The following DACH1 variants were observed in gnomAD, a reference collection of about 807,000 sequenced individuals.
The protein encoded by DACH1 is dachshund homolog 1.
A neutral mutation model predicts 54.2 loss-of-function variants in DACH1; 12 were observed. That is an observed-to-expected ratio of 0.22 (90% CI 0.14 to 0.36). DACH1 has a LOEUF of 0.36. DACH1 is among the 10% of genes least tolerant of loss of function. DACH1 has a pLI of 1.00. For missense variants in DACH1, 805 were observed against 929.8 expected (o/e 0.87, Z 1.75); for synonymous variants, 386 against 366.2 (o/e 1.05, Z -0.62).
intron 6 of DACH1, among the ~76,000 whole-genome samples, chr13:71,548,855 GA>G (rs1883626799): frequency 6.6e-6 from 1 of 152,024 alleles, no homozygotes; most frequent in African/African-American, 2.4e-5. Context: ...GGTGGAGGTT[GA>G]AGTGAACCAT....
intron 1 of DACH1, among the ~76,000 whole-genome samples, chr13:71,772,023 G>C (rs1196113638): frequency 1.3e-5 from 2 of 150,942 alleles, no homozygotes; most frequent in African/African-American, 4.9e-5. Context: ...TCCTTAAAAG[G>C]GTTTTAAAAT....
chr13:71,707,909 C>T (rs371919179), intron 1 of DACH1, among the ~76,000 whole-genome samples: 3 of 152,008 alleles, frequency 2.0e-5, no homozygotes, highest in African/African-American at 4.8e-5. Flanking sequence ...TTCAAAAACA[C>T]CTCCCACTAT....
chr13:71,595,997 T>G (rs2138475995), intron 3 of DACH1, among the ~76,000 whole-genome samples: 1 of 152,244 alleles, frequency 6.6e-6, no homozygotes, highest in East Asian at 1.9e-4. Flanking sequence ...TCCAAGAACT[T>G]ATTTTTTTAG....
intron 2 of DACH1, among the ~76,000 whole-genome samples, chr13:71,676,593 A>G (rs1025903032): frequency 1.3e-5 from 2 of 152,214 alleles, no homozygotes; most frequent in Non-Finnish European, 2.9e-5. Flanking sequence ...ACAAATGCTA[A>G]TATTACAAAA....
At chr13:71,753,934 T>C (rs775491665) in intron 1 of DACH1, among the ~76,000 whole-genome samples, 9 of 152,210 alleles carry the variant, frequency 5.9e-5, no homozygotes, top group Non-Finnish European at 1.2e-4. Flanking sequence ...CCAAATGTTT[T>C]ATTGTTTCAA....
intron 1 of DACH1, among the ~76,000 whole-genome samples, chr13:71,727,261 A>T (rs772673804): frequency 7.9e-5 from 12 of 152,080 alleles, no homozygotes; most frequent in Non-Finnish European, 1.6e-4. Flanking sequence ...GTATGAAAGG[A>T]GCACATTTCC....
At chr13:71,448,997 C>T (rs578132128) in intron 10 of DACH1, among the ~76,000 whole-genome samples, 3 of 152,140 alleles carry the variant, frequency 2.0e-5, no homozygotes, top group Non-Finnish European at 4.4e-5. Context: ...GAAAGTACAA[C>T]AACTAGGGTA....
At chr13:71,779,128 TACATATATAC>T (rs1227611556) in intron 1 of DACH1, among the ~76,000 whole-genome samples, 13 of 141,440 alleles carry the variant, frequency 9.2e-5, no homozygotes, top group East Asian at 2.0e-4. Flanking sequence ...TACACATATA[TACATATATAC>T]ACATATATAC....
intron 7 of DACH1, among the ~76,000 whole-genome samples, chr13:71,480,299 A>G (rs1877917543): frequency 6.6e-6 from 1 of 152,210 alleles, no homozygotes; most frequent in African/African-American, 2.4e-5. Context: ...ACTCAGGATA[A>G]CTTCTAGGAA....
chr13:71,444,123 C>T (rs557658534), intron 10 of DACH1, among the ~76,000 whole-genome samples: 1 of 151,926 alleles, frequency 6.6e-6, no homozygotes, highest in Non-Finnish European at 1.5e-5. Flanking sequence ...ATAAACAGAA[C>T]AAAAATTTCT....
At chr13:71,673,614 G>A (rs1348641707) in intron 2 of DACH1, among the ~76,000 whole-genome samples, 1 of 151,838 alleles carries the variant, frequency 6.6e-6, no homozygotes, top group East Asian at 1.9e-4. Context: ...CTGTTGGGGG[G>A]TGTGGGGCTG....
At chr13:71,806,768 C>T (rs1016523303) in intron 1 of DACH1, among the ~76,000 whole-genome samples, 2 of 152,160 alleles carry the variant, frequency 1.3e-5, no homozygotes, top group African/African-American at 4.8e-5. Context: ...ATCATGGTAT[C>T]ACTCTACTTC....
At chr13:71,647,254 C>G (rs1878346423) in intron 2 of DACH1, among the ~76,000 whole-genome samples, 1 of 152,124 alleles carries the variant, frequency 6.6e-6, no homozygotes, top group South Asian at 2.1e-4. Flanking sequence ...GGGAACTAGA[C>G]AGCAAGTAAG....
chr13:71,724,573 AC>A (rs1281673626), intron 1 of DACH1, among the ~76,000 whole-genome samples: 2 of 152,156 alleles, frequency 1.3e-5, no homozygotes, highest in Admixed American at 1.3e-4. Context: ...TATACCATAT[AC>A]TTCCATTTCT....
intron 7 of DACH1, among the ~76,000 whole-genome samples, chr13:71,483,090 T>C (rs570508750): frequency 6.6e-6 from 1 of 152,002 alleles, no homozygotes; most frequent in African/African-American, 2.4e-5. Context: ...GCGTGAGACA[T>C]GGCGCCCGGC....
chr13:71,766,843 A>G (rs1264674721), intron 1 of DACH1, among the ~76,000 whole-genome samples: 1 of 151,906 alleles, frequency 6.6e-6, no homozygotes, highest in Admixed American at 6.6e-5. Context: ...AAAGGCTTAA[A>G]AAAAAAAAGC....
At chr13:71,472,835 A>G (rs1394586613) in intron 10 of DACH1, among the ~76,000 whole-genome samples, 1 of 152,204 alleles carries the variant, frequency 6.6e-6, no homozygotes, top group Non-Finnish European at 1.5e-5. Context: ...CTTAGACAAC[A>G]TTTAACTAAA....
At chr13:71,633,855 TTTTC>T (rs1877280728) in intron 2 of DACH1, among the ~76,000 whole-genome samples, 5 of 152,248 alleles carry the variant, frequency 3.3e-5, no homozygotes, top group Non-Finnish European at 5.9e-5. Context: ...AGTTCCCATC[TTTTC>T]TTTCTTAGAG....
At chr13:71,864,417 C>A (rs1222521945) in intron 1 of DACH1, among the ~76,000 whole-genome samples, 1 of 152,086 alleles carries the variant, frequency 6.6e-6, no homozygotes, top group African/African-American at 2.4e-5. Flanking sequence ...AAAGAGCTAG[C>A]GCTTTTTCAA....
Sources: allele counts gnomAD v4.1 joint callset (sites outside exome capture counted in the v4.1 genomes callset), GRCh38; gene constraint gnomAD v4.1.1; transcripts MANE v1.5; gene names NCBI Gene and HGNC (gene_info 2026-07-23, HGNC 2026-07-21).